Variants in SPAG16 observed in about 807,000 individuals in gnomAD.
SPAG16 encodes the protein sperm-associated antigen 16 protein.
In SPAG16, 86 loss-of-function variants were observed where a neutral mutation model predicts 80.4. The observed-to-expected ratio is 1.07, with a 90% confidence interval of 0.90 to 1.28. The LOEUF (loss-of-function observed/expected upper bound fraction) is 1.28, where lower values mean the gene tolerates loss of function less well. Ranked by LOEUF, SPAG16 falls within the 50% of genes most tolerant of loss-of-function variation. SPAG16 has a pLI of 0.00. For missense variants in SPAG16, 870 were observed against 765.3 expected (o/e 1.14, Z -1.61); for synonymous variants, 294 against 265.9 (o/e 1.11, Z -1.03).
At chr2:213,890,612 CAGAA>C (rs149367896) in intron 11 of SPAG16, among the ~76,000 whole-genome samples, 4,842 of 151,922 alleles carry the variant, frequency 0.032, 140 homozygotes, top group Non-Finnish European at 0.042. Context: ...TTTTGGTAGA[CAGAA>C]AGGATGGTTT....
At chr2:213,317,142 C>G in intron 4 of SPAG16, 77 bp from the exon 5 acceptor site, 1 of 886,722 alleles carries the variant, frequency 1.1e-6, no homozygotes, top group Non-Finnish European at 1.7e-6. Context: ...TGAGACTTAA[C>G]TTTTTGAATT....
At chr2:214,216,478 C>A (rs1173309662) in intron 15 of SPAG16, among the ~76,000 whole-genome samples, 1 of 152,156 alleles carries the variant, frequency 6.6e-6, no homozygotes, top group East Asian at 1.9e-4. Flanking sequence ...CATGCCACCA[C>A]GCCCAGCTAA....
chr2:213,990,403 G>A (rs988168659), intron 12 of SPAG16, among the ~76,000 whole-genome samples: 5 of 152,070 alleles, frequency 3.3e-5, no homozygotes, highest in East Asian at 3.9e-4. Context: ...AGAAATCTGA[G>A]TATAACTTTT....
At chr2:213,701,824 C>T (rs1051659466) in intron 10 of SPAG16, among the ~76,000 whole-genome samples, 5 of 151,844 alleles carry the variant, frequency 3.3e-5, no homozygotes, top group Admixed American at 6.6e-5. Flanking sequence ...GGTTTGTAAA[C>T]GTGACAATCA....
chr2:214,123,776 A>G (rs1335465133), intron 14 of SPAG16, among the ~76,000 whole-genome samples: 1 of 152,034 alleles, frequency 6.6e-6, no homozygotes, highest in African/African-American at 2.4e-5. Flanking sequence ...GAAGGAAGAT[A>G]ACTCAAGCAT....
intron 10 of SPAG16, among the ~76,000 whole-genome samples, chr2:213,737,654 A>T (rs910343916): frequency 6.6e-6 from 1 of 151,616 alleles, no homozygotes; most frequent in Non-Finnish European, 1.5e-5. Context: ...CGCCCGGCTA[A>T]TTTTTTTGTA....
chr2:213,556,457 T>C (rs2059429382), intron 10 of SPAG16, among the ~76,000 whole-genome samples: 1 of 152,024 alleles, frequency 6.6e-6, no homozygotes, highest in Non-Finnish European at 1.5e-5. Context: ...GCTAAACTTA[T>C]ATCAGATACA....
At chr2:213,752,315 TTTTATCACC>T (rs1176556730) in intron 10 of SPAG16, among the ~76,000 whole-genome samples, 1 of 152,228 alleles carries the variant, frequency 6.6e-6, no homozygotes, top group Non-Finnish European at 1.5e-5. Flanking sequence ...TAATATGTAC[TTTTATCACC>T]TTTCCATCAG....
intron 10 of SPAG16, among the ~76,000 whole-genome samples, chr2:213,683,587 T>C (rs2064504722): frequency 6.6e-6 from 1 of 152,086 alleles, no homozygotes; most frequent in Non-Finnish European, 1.5e-5. Context: ...CACTTAACTA[T>C]GTGATTTGTT....
intron 10 of SPAG16, among the ~76,000 whole-genome samples, chr2:213,496,697 A>C (rs909303542): frequency 6.6e-5 from 10 of 151,234 alleles, no homozygotes; most frequent in Non-Finnish European, 1.3e-4. Flanking sequence ...TTAATTATAC[A>C]TATCCATATA....
At chr2:213,368,765 C>A (rs983786771) in intron 8 of SPAG16, among the ~76,000 whole-genome samples, 1 of 152,136 alleles carries the variant, frequency 6.6e-6, no homozygotes, top group Non-Finnish European at 1.5e-5. Flanking sequence ...TTCTTATACA[C>A]CAATAACACA....
At chr2:213,400,699 G>A (rs1476012995) in intron 9 of SPAG16, among the ~76,000 whole-genome samples, 1 of 152,046 alleles carries the variant, frequency 6.6e-6, no homozygotes, top group Non-Finnish European at 1.5e-5. Flanking sequence ...TGTTGCCAGT[G>A]GAATTTGCAC....
At chr2:214,174,897 A>G (rs1319549109) in intron 15 of SPAG16, among the ~76,000 whole-genome samples, 1 of 151,754 alleles carries the variant, frequency 6.6e-6, no homozygotes, top group Non-Finnish European at 1.5e-5. Flanking sequence ...TCATTCAGTT[A>G]GCAAGTACTA....
intron 15 of SPAG16, among the ~76,000 whole-genome samples, chr2:214,256,305 T>C (rs1690678825): frequency 6.6e-6 from 1 of 151,938 alleles, no homozygotes; most frequent in Non-Finnish European, 1.5e-5. Context: ...TTTGTCTTTT[T>C]ATTGCTGAGC....
intron 4 of SPAG16, 151 bp downstream of exon 4, chr2:213,310,328 AC>A (rs2063132437): frequency 2.1e-4 from 1 of 4,758 alleles, no homozygotes. Context: ...CAACACACAC[AC>A]ACACACACAC....
chr2:214,288,375 G>A (rs10175930), intron 15 of SPAG16, among the ~76,000 whole-genome samples: 54,373 of 151,976 alleles, frequency 0.36, 10,014 homozygotes, highest in East Asian at 0.54. Flanking sequence ...GAATAGTGCC[G>A]CAAAGACATG....
chr2:213,363,867 G>A (rs79246157), intron 7 of SPAG16, among the ~76,000 whole-genome samples: 3,627 of 152,058 alleles, frequency 0.024, 61 homozygotes, highest in African/African-American at 0.039. Flanking sequence ...CCTAAAATAA[G>A]TAATTAATAA....
intron 12 of SPAG16, among the ~76,000 whole-genome samples, chr2:213,994,105 A>T (rs1262729342): frequency 4.6e-5 from 7 of 152,176 alleles, no homozygotes; most frequent in African/African-American, 1.7e-4. Flanking sequence ...ATACAAAGGA[A>T]GTATGTGTGT....
In SPAG16 at chr2:213,375,022, G is replaced by A. The variant is rs752778146; in HGVS notation, c.845G>A (p.Arg282His). ...HGPQIKVDHS[R>H]EKENAPEGPT... is the part of the protein sequence containing the mutation. ...TATTATCTTGTAGTTGATCATAGTC[G>A]TGAAAAAGAAAATGCACCAGAAGGT... Residue 282 changes from arginine to histidine, a missense_variant, in exon 9 of 16, where the codon CGT becomes CAT. By Grantham distance (29) the Arg-to-His change is conservative. Transcript: ENST00000331683. 25 of 1,603,708 alleles carry A rather than the reference G, an allele frequency of 1.6e-5. No individual in the cohort carries two copies. The highest frequency in any genetic ancestry group is 1.7e-4 in the Middle Eastern group (1 of 6,022).
Sources: allele counts gnomAD v4.1 joint callset (sites outside exome capture counted in the v4.1 genomes callset), GRCh38; gene constraint gnomAD v4.1.1; transcripts MANE v1.5; gene names NCBI Gene and HGNC (gene_info 2026-07-23, HGNC 2026-07-21).